Variants in CALN1 observed in about 807,000 individuals in gnomAD.
The protein encoded by CALN1 is calcium-binding protein 8.
A neutral mutation model predicts 30.6 loss-of-function variants in CALN1; 17 were observed. The ratio of observed to expected loss-of-function variants is 0.56; its 90% CI spans 0.38 to 0.83. CALN1 has a LOEUF of 0.83. Among genes scored for constraint, CALN1 ranks in the 40% least tolerant of loss-of-function variants. CALN1 has a pLI of 0.00. For synonymous variants in CALN1, 156 were observed against 131.4 expected (o/e 1.19, Z -1.28); for missense variants, 291 against 354.9 (o/e 0.82, Z 1.45).
intron 1 of CALN1, among the ~76,000 whole-genome samples, chr7:72,429,209 A>G (rs1807895977): frequency 2.0e-5 from 3 of 152,212 alleles, no homozygotes; most frequent in African/African-American, 7.2e-5. Flanking sequence ...ACCAACCTCA[A>G]GTGGATTCAG....
At chr7:72,306,812 G>A (rs555030964) in intron 2 of CALN1, among the ~76,000 whole-genome samples, 16 of 152,140 alleles carry the variant, frequency 1.1e-4, no homozygotes, top group African/African-American at 2.4e-4. Context: ...CCTGACCACC[G>A]TGGGCACCTG....
chr7:72,156,169 C>A (rs1052787266), intron 3 of CALN1, among the ~76,000 whole-genome samples: 2 of 152,058 alleles, frequency 1.3e-5, no homozygotes, highest in Non-Finnish European at 2.9e-5. Context: ...AGAGGACAAA[C>A]CAAGGAGAAC....
intron 1 of CALN1, among the ~76,000 whole-genome samples, chr7:72,417,482 T>G (rs1807459316): frequency 1.3e-5 from 2 of 152,254 alleles, no homozygotes; most frequent in South Asian, 4.1e-4. Context: ...GGCTTTCTAC[T>G]TCTGTCCCCG....
rs79346394 is a variant in CALN1 at position 71,810,114 on chromosome 7, T to G, written c.658+222A>C. ...GCCTTGAGAGAAAAGACAGGGTCAG[T>G]GGAGATTCTGCAAAAAATGCAGAAT... On this transcript the variant is annotated intron_variant, in intron 6 of 6. Coordinates refer to ENST00000395275, the MANE Select transcript of CALN1 (RefSeq NM_031468.4). Among the ~76,000 whole-genome samples, 711 of 151,940 alleles carry G rather than the reference T, an allele frequency of 4.7e-3. 4 individuals are homozygous for G. The highest frequency in any genetic ancestry group is 8.1e-3 in the Admixed American group (123 of 15,246).
At chr7:72,196,517 T>C (rs190395325) in intron 3 of CALN1, among the ~76,000 whole-genome samples, 73 of 152,284 alleles carry the variant, frequency 4.8e-4, no homozygotes, top group Admixed American at 2.8e-3. Context: ...ATTTCATACA[T>C]TAAGTGGGTG....
At chr7:71,898,866 C>A (rs186442155) in intron 5 of CALN1, among the ~76,000 whole-genome samples, 12 of 152,254 alleles carry the variant, frequency 7.9e-5, no homozygotes, top group Admixed American at 7.2e-4. Context: ...ATAATATAAT[C>A]TCATTTGAAT....
At chr7:72,157,204 A>G (rs1787757984) in intron 3 of CALN1, among the ~76,000 whole-genome samples, 1 of 152,222 alleles carries the variant, frequency 6.6e-6, no homozygotes, top group African/African-American at 2.4e-5. Flanking sequence ...TTTGGCAAAT[A>G]TTTGTTGAAT....
chr7:72,283,871 C>G (rs1238810233), intron 2 of CALN1, among the ~76,000 whole-genome samples: 2 of 144,970 alleles, frequency 1.4e-5, no homozygotes, highest in Non-Finnish European at 3.0e-5. Context: ...AAGAAGAGTC[C>G]ACTTCCTGGG....
the CALN1 span, among the ~76,000 whole-genome samples, chr7:72,489,291 A>G: frequency 2.1e-3 from 313 of 152,350 alleles, 1 homozygote; most frequent in Non-Finnish European, 3.6e-3. Flanking sequence ...TCAATTCAAC[A>G]TATCCTTGCT....
intron 3 of CALN1, among the ~76,000 whole-genome samples, chr7:72,255,528 C>T (rs977854979): frequency 6.6e-6 from 1 of 151,624 alleles, no homozygotes; most frequent in Non-Finnish European, 1.5e-5. Flanking sequence ...GATTCTCATG[C>T]TTCAGCTTCC....
intron 6 of CALN1, among the ~76,000 whole-genome samples, chr7:71,794,802 T>C (rs1395471481): frequency 6.6e-6 from 1 of 151,650 alleles, no homozygotes; most frequent in Admixed American, 6.6e-5. Context: ...CATCAAGTCA[T>C]TCAGAACTGC....
chr7:72,432,638 A>G (rs1019491148), intron 1 of CALN1, among the ~76,000 whole-genome samples: 2 of 151,888 alleles, frequency 1.3e-5, no homozygotes, highest in African/African-American at 4.8e-5. Context: ...TTCATTGTCT[A>G]TTTATTTTTT....
chr7:72,128,215 G>A (rs1390693777), intron 3 of CALN1, among the ~76,000 whole-genome samples: 2 of 152,106 alleles, frequency 1.3e-5, no homozygotes, highest in Non-Finnish European at 2.9e-5. Flanking sequence ...ACAAGCAATA[G>A]GCGATTAGCT....
rs927790914 is a variant in CALN1 at position 72,057,170 on chromosome 7, C to T, written c.389-33401G>A. ...CCATGTTGCCCAGACTAGTCTTGAA[C>T]GCCCGGCCTGAAGTAATCCTCCCAG... On this transcript the variant is annotated intron_variant, in intron 4 of 6. Coordinates refer to ENST00000395275, the MANE Select transcript of CALN1 (RefSeq NM_031468.4). Among the ~76,000 whole-genome samples, 45 of 151,956 alleles carry T rather than the reference C, an allele frequency of 3.0e-4. 1 individual carries two copies. Among genetic ancestry groups the T allele is most frequent in the Non-Finnish European group, 7.4e-5 (5 of 68,004 alleles).
chr7:72,422,328 C>A (rs1347792277), intron 1 of CALN1, among the ~76,000 whole-genome samples: 4 of 152,186 alleles, frequency 2.6e-5, no homozygotes, highest in Non-Finnish European at 5.9e-5. Flanking sequence ...ACCATTCTCG[C>A]AGGAGTAAGA....
intron 5 of CALN1, among the ~76,000 whole-genome samples, chr7:71,934,706 G>A (rs1433648101): frequency 6.6e-6 from 1 of 152,048 alleles, no homozygotes; most frequent in Non-Finnish European, 1.5e-5. Context: ...ACTGAGGGTT[G>A]TATTAGTCTG....
intron 5 of CALN1, among the ~76,000 whole-genome samples, chr7:71,970,867 C>T (rs1387176942): frequency 2.0e-5 from 3 of 152,126 alleles, no homozygotes; most frequent in Non-Finnish European, 4.4e-5. Flanking sequence ...TTGATCAGCA[C>T]CAGGGATCTG....
intron 2 of CALN1, among the ~76,000 whole-genome samples, chr7:72,368,808 CCT>C (rs1804038299): frequency 2.1e-5 from 3 of 145,308 alleles, no homozygotes; most frequent in South Asian, 2.2e-4. Flanking sequence ...GGTTTGAAAC[CCT>C]TTTTTTTTTT....
chr7:72,257,882 T>G (rs1019957907), intron 3 of CALN1, among the ~76,000 whole-genome samples: 2 of 152,160 alleles, frequency 1.3e-5, no homozygotes, highest in Non-Finnish European at 2.9e-5. Flanking sequence ...GCAAATACTG[T>G]GTTTTCTCAC....
Sources: gnomAD v4.1 joint callset for allele counts (sites outside exome capture counted in the v4.1 genomes callset) on GRCh38, gnomAD v4.1.1 for gene constraint, MANE v1.5 for transcripts, NCBI Gene and HGNC (gene_info 2026-07-23, HGNC 2026-07-21) for gene names.